The following DNAI2 variants were observed in gnomAD, a reference collection of about 807,000 sequenced individuals.
DNAI2 encodes the protein dynein axonemal intermediate chain 2, also known as dynein, axonemal, intermediate polypeptide 2.
In DNAI2, 63 loss-of-function variants were observed where a neutral mutation model predicts 74.7. The observed-to-expected ratio is 0.84, with a 90% CI of 0.69 to 1.04. The LOEUF (loss-of-function observed/expected upper bound fraction) is 1.04, where lower values mean the gene tolerates loss of function less well. Ranked by LOEUF, DNAI2 falls within the 50% of genes least tolerant of loss-of-function variation. The probability of loss-of-function intolerance (pLI) is 0.00; values close to 1 mark genes in which losing one functional copy is unlikely to be tolerated. For missense variants in DNAI2, 688 were observed against 803.2 expected (o/e 0.86, Z 1.73); for synonymous variants, 289 against 314.9 (o/e 0.92, Z 0.87).
chr17:74,296,862 T>G (rs938846369), intron 6 of DNAI2, among the ~76,000 whole-genome samples: 1 of 152,210 alleles, frequency 6.6e-6, no homozygotes, highest in Non-Finnish European at 1.5e-5. Flanking sequence ...GTGTGCGATC[T>G]TAACTAGGGC....
intron 8 of DNAI2, among the ~76,000 whole-genome samples, chr17:74,304,880 T>C (rs560444006): frequency 1.3e-5 from 2 of 152,284 alleles, no homozygotes; most frequent in South Asian, 4.1e-4. Flanking sequence ...CTTTACTCTC[T>C]CTGTAAACAA....
Position 74,292,847 on chromosome 17 carries a change from T to G in DNAI2, c.724+1714T>G, listed in dbSNP as rs74755315. On this transcript the variant is annotated intron_variant, in intron 6 of 13. Coordinates refer to ENST00000311014, the MANE Select transcript of DNAI2 (RefSeq NM_023036.6). ...GGTGTAGTTTTCCTTTTTTTTTTTT[T>G]GGGACGGAGTCTTGCTCTTTCGCCC... 1.1e-3 allele frequency among the ~76,000 whole-genome samples: 161 copies of G among 151,670 alleles called. 1 individual carries two copies. The East Asian group carries it at 0.013, about 12-fold the overall frequency.
At chr17:74,304,569 C>A (rs1250920995) in intron 8 of DNAI2, among the ~76,000 whole-genome samples, 1 of 152,144 alleles carries the variant, frequency 6.6e-6, no homozygotes, top group Non-Finnish European at 1.5e-5. Context: ...AGTCAGGAGA[C>A]CAGCCTTTGT....
chr17:74,281,979 G>C lies in DNAI2; in HGVS notation c.162G>C (p.Ser54=). ...RNPVDTGIQC[S]ISMSEHEANS... is the part of the protein sequence containing the mutation. ...CAGTGGACACGGGCATCCAGTGCTC[G>C]ATCAGCATGTCGGAACACGAGGTGG... Residue 54 remains serine (S), a synonymous_variant, in exon 2 of 14, where the codon TCG becomes TCC. Transcript: ENST00000311014. 2 of 1,614,088 alleles carry C rather than the reference G, an allele frequency of 1.2e-6. No individual in the cohort carries two copies. Among genetic ancestry groups the C allele is most frequent in the East Asian group, 2.2e-5 (1 of 44,876 alleles).
chr17:74,310,938 A>G (rs1031849057), intron 11 of DNAI2, among the ~76,000 whole-genome samples: 2 of 151,880 alleles, frequency 1.3e-5, no homozygotes, highest in Admixed American at 1.3e-4. Flanking sequence ...GCAGTGGCAC[A>G]ATCATGGCCC....
intron 13 of DNAI2, 136 bp from the exon 14 acceptor site, chr17:74,314,453 A>T: frequency 5.3e-6 from 4 of 749,626 alleles, no homozygotes; most frequent in Non-Finnish European, 8.1e-6. Context: ...CTTGTCCCGG[A>T]GCTGGCTGCC....
At chr17:74,288,959 A>G (rs2051917717) in intron 4 of DNAI2, among the ~76,000 whole-genome samples, 1 of 152,194 alleles carries the variant, frequency 6.6e-6, no homozygotes, top group Admixed American at 6.5e-5. Context: ...TGTTTGGGAA[A>G]TGACTTGCCT....
At chr17:74,282,066 G>C in intron 2 of DNAI2, 66 bp downstream of exon 2, 1 of 1,584,748 alleles carries the variant, frequency 6.3e-7, no homozygotes, top group East Asian at 2.2e-5. Flanking sequence ...AGCTGGGGCC[G>C]GTGAGTGGTT....
chr17:74,309,613 A>T lies in DNAI2; in HGVS notation c.1347+225A>T, dbSNP rs768745055. On this transcript the variant is annotated intron_variant, in intron 10 of 13. Transcript: ENST00000311014. ...TTTGGCATCCTGGTAGCACAACAGA[A>T]CCACCTGGGGGAAATTTAAAAAGAA... 1.8e-4 allele frequency: 132 copies of T among 726,352 alleles called. 2 individuals are homozygous for T. Among genetic ancestry groups the T allele is most frequent in the South Asian group, 1.7e-3 (115 of 67,296 alleles). The allele number at this position is 726,352 out of a possible 1,614,324, so 45.0% of individuals were successfully genotyped here.
At chr17:74,279,553 A>C (rs527276675) in intron 1 of DNAI2, among the ~76,000 whole-genome samples, 2 of 152,082 alleles carry the variant, frequency 1.3e-5, no homozygotes, top group Non-Finnish European at 2.9e-5. Context: ...TTTGAGATAG[A>C]GTCTTGCTCT....
At chr17:74,282,156 G>A (rs2051432433) in intron 2 of DNAI2, among the ~76,000 whole-genome samples, 156 bp downstream of exon 2, 1 of 152,182 alleles carries the variant, frequency 6.6e-6, no homozygotes, top group Non-Finnish European at 1.5e-5. Flanking sequence ...GGCTCCCCCT[G>A]AGTTCCACGC....
At chr17:74,313,940 C>A (rs374646932) in intron 12 of DNAI2, 181 bp from the exon 13 acceptor site, 3 of 865,402 alleles carry the variant, frequency 3.5e-6, no homozygotes, top group African/African-American at 1.7e-5. Flanking sequence ...CAGCTCTGCC[C>A]ACTTTCCGCA....
intron 4 of DNAI2, among the ~76,000 whole-genome samples, chr17:74,287,662 C>T (rs2051831517): frequency 6.6e-6 from 1 of 152,180 alleles, no homozygotes; most frequent in African/African-American, 2.4e-5. Context: ...CCTGGTAAAG[C>T]GAGCGGGGCA....
chr17:74,297,268 T>C (rs931969169), intron 6 of DNAI2, among the ~76,000 whole-genome samples: 9 of 151,858 alleles, frequency 5.9e-5, no homozygotes, highest in African/African-American at 2.2e-4. Flanking sequence ...TGTATTTTTT[T>C]TTTTTAGTAG....
chr17:74,289,758 G>A, intron 5 of DNAI2, 22 bp downstream of exon 5: 3 of 1,613,652 alleles, frequency 1.9e-6, no homozygotes, highest in Non-Finnish European at 2.5e-6. Flanking sequence ...CGGGGTCCTG[G>A]TGGCCTGGGA....
At chr17:74,276,849 A>G (rs2051110060) in intron 1 of DNAI2, among the ~76,000 whole-genome samples, 1 of 152,206 alleles carries the variant, frequency 6.6e-6, no homozygotes, top group Non-Finnish European at 1.5e-5. Context: ...TTTAAAAGTC[A>G]GAGACAGGCA....
intron 13 of DNAI2, 83 bp from the exon 14 acceptor site, chr17:74,314,506 A>C (rs989291420): frequency 7.2e-6 from 3 of 415,406 alleles, no homozygotes; most frequent in Non-Finnish European, 1.4e-5. Flanking sequence ...GGCCGAGGCC[A>C]CCTTAGTCCT....
rs554411027 is a variant in DNAI2 at position 74,302,399 on chromosome 17, C to G, written c.987+1231C>G. On this transcript the variant is annotated intron_variant, in intron 8 of 13. Coordinates refer to ENST00000311014, the MANE Select transcript of DNAI2 (RefSeq NM_023036.6). ...CCTGACCAATATGGAGAAACCCCAT[C>G]TCTACTAAAAATACAAAATTAGCTG... 5.9e-5 allele frequency among the ~76,000 whole-genome samples: 9 copies of G among 152,228 alleles called. No homozygotes were observed. The South Asian group carries it at 1.9e-3, about 32-fold the overall frequency.
chr17:74,305,314 G>A lies in DNAI2; in HGVS notation c.1083G>A (p.Pro361=), dbSNP rs144444784. 5.5e-5 allele frequency: 88 copies of A among 1,614,190 alleles called. No homozygotes were observed. Among genetic ancestry groups the A allele is most frequent in the Non-Finnish European group, 6.9e-5 (82 of 1,180,036 alleles). The change falls in exon 9 of 14, where the codon CCG becomes CCA. Residue 361 remains proline (P), a synonymous_variant. Transcript: ENST00000311014. The part of the protein sequence containing the change: ...TSAEKIVCTF[P]GHHGPIYALQ... The stretch of plus-strand genomic sequence containing the variant: ...CTGAAAAGATTGTGTGCACCTTCCC[G>A]GGCCATCATGGCCCCATCTACGCCC...
Sources: gnomAD v4.1 joint callset for allele counts (sites outside exome capture counted in the v4.1 genomes callset) on GRCh38, gnomAD v4.1.1 for gene constraint, MANE v1.5 for transcripts, NCBI Gene and HGNC (gene_info 2026-07-23, HGNC 2026-07-21) for gene names.